Variants in ZFP3 observed in about 807,000 individuals in gnomAD.
ZFP3 encodes the protein ZFP3 zinc finger protein.
In ZFP3, 18 loss-of-function variants were observed where a neutral mutation model predicts 36.7. That is an observed-to-expected ratio of 0.49 (90% confidence interval 0.34 to 0.73). ZFP3 has a LOEUF of 0.73. ZFP3 is among the 30% of genes least tolerant of loss of function. The pLI is 0.01. For synonymous variants in ZFP3, 218 were observed against 199.0 expected (o/e 1.10, Z -0.81); for missense variants, 495 against 599.0 (o/e 0.83, Z 1.81).
At chr17:5,089,047 CA>C (rs2072136194) in intron 1 of ZFP3, among the ~76,000 whole-genome samples, 1 of 152,336 alleles carries the variant, frequency 6.6e-6, no homozygotes, top group South Asian at 2.1e-4. Context: ...GAACAAAGGT[CA>C]GGCTTATTCT....
At chr17:5,082,996 G>A (rs1384398879) in intron 1 of ZFP3, among the ~76,000 whole-genome samples, 1 of 152,122 alleles carries the variant, frequency 6.6e-6, no homozygotes, top group African/African-American at 2.4e-5. Flanking sequence ...ATCAGGTCCA[G>A]TTACAGTAAC....
At chr17:5,084,130 T>G (rs189517010) in intron 1 of ZFP3, among the ~76,000 whole-genome samples, 6 of 152,196 alleles carry the variant, frequency 3.9e-5, no homozygotes, top group Admixed American at 2.6e-4. Context: ...CCTCCCAAAG[T>G]GCTGGGATTA....
intron 1 of ZFP3, among the ~76,000 whole-genome samples, chr17:5,086,367 G>A (rs959157809): frequency 2.6e-5 from 4 of 152,032 alleles, no homozygotes; most frequent in African/African-American, 9.7e-5. Context: ...GTCCAAAGTC[G>A]CCCCCAAATC....
At chr17:5,088,664 G>A (rs532348316) in intron 1 of ZFP3, among the ~76,000 whole-genome samples, 2 of 152,102 alleles carry the variant, frequency 1.3e-5, no homozygotes, top group East Asian at 3.9e-4. Flanking sequence ...TAGCCAAGAT[G>A]GTCTCGATCT....
rs2072163330 is a variant in ZFP3, at chr17:5,093,639, A to G, written c.*626A>G. ...CTGTCCACTGTTTAGCATTGGAATAATTTAGTAAGCTGTTATTAGCTTCAA... is the reference window on the plus strand; with the variant it reads ...CTGTCCACTGTTTAGCATTGGAATAGTTTAGTAAGCTGTTATTAGCTTCAA... On this transcript the variant is annotated 3_prime_UTR_variant, in exon 2 of 2. Transcript: ENST00000318833. 1 of 167,074 alleles carries G rather than the reference A, an allele frequency of 6.0e-6. No homozygotes were observed. Among genetic ancestry groups the G allele is most frequent in the Non-Finnish European group, 1.5e-5 (1 of 68,128 alleles). 10.3% of individuals were successfully genotyped at this position (167,074 alleles called of 1,614,324 possible).
chr17:5,079,996 G>C (rs1005277056), intron 1 of ZFP3, among the ~76,000 whole-genome samples: 2 of 151,916 alleles, frequency 1.3e-5, no homozygotes, highest in Middle Eastern at 3.4e-3. Flanking sequence ...CCAAGATTGC[G>C]CCATTGCACT....
chr17:5,088,984 G>A (rs1415817299), intron 1 of ZFP3, among the ~76,000 whole-genome samples: 1 of 152,134 alleles, frequency 6.6e-6, no homozygotes, highest in Non-Finnish European at 1.5e-5. Context: ...TGCACAAATA[G>A]ACTGCCCTAA....
At chr17:5,084,680 C>G (rs1396100696) in intron 1 of ZFP3, among the ~76,000 whole-genome samples, 2 of 152,184 alleles carry the variant, frequency 1.3e-5, no homozygotes, top group East Asian at 3.9e-4. Context: ...CAATAGAGGT[C>G]TGCCTGTCAT....
chr17:5,092,151 A>G lies in ZFP3; in HGVS notation c.647A>G (p.His216Arg), dbSNP rs1257221191. The G allele has an allele frequency of 6.2e-7, 1 of 1,614,222 alleles. No individual in the cohort carries two copies. Among genetic ancestry groups the G allele is most frequent in the African/African-American group, 1.3e-5 (1 of 75,050 alleles). ...CAGAGTTCACACCTTATTCACCATC[A>G]TAGAATTCATACTGGAGAGAGACCC... ...FIQSSHLIHH[H>R]RIHTGERPYK... The change falls in exon 2 of 2, where the codon CAT becomes CGT. Residue 216 changes from histidine to arginine, a missense_variant. Transcript: ENST00000318833. The surrounding 1 kb of genome is among the most constrained non-coding windows in gnomAD (Gnocchi z 5.0).
At chr17:5,087,278 A>G (rs182322286) in intron 1 of ZFP3, among the ~76,000 whole-genome samples, 214 of 150,768 alleles carry the variant, frequency 1.4e-3, no homozygotes, top group Non-Finnish European at 2.3e-3. Flanking sequence ...GGGTCTTGCT[A>G]TGTTTCCCAG....
At position 5,078,717 on chromosome 17, in the gene ZFP3, T is replaced by C. The variant is rs1470281660; in HGVS notation, c.-9+142T>C. 2 of 152,754 alleles carry C rather than the reference T, an allele frequency of 1.3e-5. No individual in the cohort carries two copies. Among genetic ancestry groups the C allele is most frequent in the Non-Finnish European group, 2.9e-5 (2 of 68,556 alleles). The allele number at this position is 152,754 out of a possible 1,614,324, so 9.5% of individuals were successfully genotyped here. On this transcript the variant is annotated intron_variant, in intron 1 of 1. Transcript: ENST00000318833. This position sits in a 1 kb window ranked among gnomAD's most constrained non-coding sequence, Gnocchi z 4.5. ...ACCTTGAAGTTTATGCCTCCCTCCA[T>C]TCCCCCCGCCCCCAGGCCTTCATTT...
chr17:5,092,145 A>G lies in ZFP3; in HGVS notation c.641A>G (p.His214Arg), dbSNP rs1359844516. Residue 214 changes from histidine to arginine, a missense_variant, in exon 2 of 2, where the codon CAC becomes CGC. This residue lies in a region of ZFP3 where 103 missense variants were observed against 186.8 expected (regional missense o/e 0.55). Transcript: ENST00000318833. This position sits in a 1 kb window ranked among gnomAD's most constrained non-coding sequence, Gnocchi z 5.0. ...TTCATTCAGAGTTCACACCTTATTCACCATCATAGAATTCATACTGGAGAG... is the reference window on the plus strand; with the variant it reads ...TTCATTCAGAGTTCACACCTTATTCGCCATCATAGAATTCATACTGGAGAG... ...KAFIQSSHLI[H>R]HHRIHTGERP... 6.2e-7 allele frequency: 1 copy of G among 1,614,160 alleles called. No homozygotes were observed. Among genetic ancestry groups the G allele is most frequent in the Non-Finnish European group, 8.5e-7 (1 of 1,180,032 alleles).
chr17:5,090,837 GT>G (rs2072145964), intron 1 of ZFP3, among the ~76,000 whole-genome samples: 1 of 151,810 alleles, frequency 6.6e-6, no homozygotes, highest in African/African-American at 2.4e-5. Flanking sequence ...TGCCCAGCTA[GT>G]TTTTGTATTT....
intron 1 of ZFP3, among the ~76,000 whole-genome samples, chr17:5,083,142 C>G (rs1264006399): frequency 6.6e-6 from 1 of 152,080 alleles, no homozygotes; most frequent in African/African-American, 2.4e-5. Context: ...GGAAAAAAGT[C>G]AGAGCAGGAA....
In ZFP3 at chr17:5,091,805, C is replaced by A; in HGVS notation, c.301C>A (p.Leu101Met). 6.2e-7 allele frequency: 1 copy of A among 1,614,202 alleles called. No homozygotes were observed. The highest frequency in any genetic ancestry group is 8.5e-7 in the Non-Finnish European group (1 of 1,180,046). Reference protein sequence around the residue: ...SERGCSPSPNLVTHQGDTTEG... With the variant: ...SERGCSPSPNMVTHQGDTTEG... ...GAGAGGCTGCAGTCCCAGCCCAAAT[C>A]TGGTTACACATCAGGGAGATACAAC... Residue 101 changes from leucine to methionine, a missense_variant, in exon 2 of 2, where the codon CTG (leucine) becomes ATG (methionine). By Grantham distance (15) the Leu-to-Met change is conservative. Transcript: ENST00000318833.
intron 1 of ZFP3, among the ~76,000 whole-genome samples, chr17:5,087,527 A>G (rs138574362): frequency 6.6e-6 from 1 of 152,278 alleles, no homozygotes; most frequent in East Asian, 1.9e-4. Context: ...CTGAACAGGA[A>G]ACAGCTCACT....
chr17:5,091,845 C>T lies in ZFP3; in HGVS notation c.341C>T (p.Ala114Val), dbSNP rs1399138895. The T allele has an allele frequency of 1.2e-6, 2 of 1,614,092 alleles. No individual in the cohort carries two copies. Among genetic ancestry groups the T allele is most frequent in the South Asian group, 1.1e-5 (1 of 91,088 alleles). ...GGAGATACAACAGAGGGAGTTAGTG[C>T]ATTTGCTACCTCTGGCCAAAACTTC... ...HQGDTTEGVS[A>V]FATSGQNFLE... Residue 114 changes from alanine to valine, a missense_variant, in exon 2 of 2, where the codon GCA (alanine) becomes GTA (valine). Ala to Val is a moderately conservative substitution (Grantham distance 64). Around this residue, in one of 3 missense-constraint regions of ZFP3, gnomAD observed 229 missense variants for 233.8 expected, o/e 0.98. Transcript: ENST00000318833.
chr17:5,087,036 C>T (rs2072125223), intron 1 of ZFP3, among the ~76,000 whole-genome samples: 1 of 149,018 alleles, frequency 6.7e-6, no homozygotes. Flanking sequence ...CCTCAGTAGA[C>T]ATTTTCTAAT....
chr17:5,079,438 G>A (rs917466579), intron 1 of ZFP3, among the ~76,000 whole-genome samples: 2 of 152,186 alleles, frequency 1.3e-5, no homozygotes, highest in African/African-American at 4.8e-5. Flanking sequence ...GCTGAGGTGG[G>A]AGGATTTTCT....
Sources: allele counts gnomAD v4.1 joint callset (sites outside exome capture counted in the v4.1 genomes callset), GRCh38; gene constraint gnomAD v4.1.1; regional missense constraint gnomAD v4.1.1; non-coding constraint Gnocchi (gnomAD v3.1); transcripts MANE v1.5; gene names NCBI Gene and HGNC (gene_info 2026-07-23, HGNC 2026-07-21).